The following NEDD4L variants were observed in gnomAD, a reference collection of about 807,000 sequenced individuals.
NEDD4L encodes the protein E3 ubiquitin-protein ligase NEDD4-like.
NEDD4L carries 54 observed loss-of-function variants against 148.9 expected under a neutral mutation model. That is an observed-to-expected ratio of 0.36 (90% CI 0.29 to 0.45). The LOEUF (loss-of-function observed/expected upper bound fraction) is 0.45, where lower values mean the gene tolerates loss of function less well. NEDD4L is among the 20% of genes least tolerant of loss of function. NEDD4L has a pLI of 1.00. For synonymous variants in NEDD4L, 433 were observed against 440.7 expected (o/e 0.98, Z 0.22); for missense variants, 856 against 1,233.8 (o/e 0.69, Z 4.59).
intron 5 of NEDD4L, among the ~76,000 whole-genome samples, chr18:58,264,279 G>A (rs1259932053): frequency 2.6e-5 from 4 of 152,050 alleles, no homozygotes; most frequent in Non-Finnish European, 4.4e-5. Context: ...AGGACACAGT[G>A]TGCCTCCGGC....
At chr18:58,203,791 A>AAC (rs1437247599) in intron 2 of NEDD4L, among the ~76,000 whole-genome samples, 4 of 152,048 alleles carry the variant, frequency 2.6e-5, no homozygotes, top group African/African-American at 9.7e-5. Context: ...ACTGTCTGAG[A>AAC]AGACTAGTGA....
intron 5 of NEDD4L, chr18:58,255,849 C>T (rs2148565822): frequency 3.2e-6 from 4 of 1,232,466 alleles, no homozygotes; most frequent in Non-Finnish European, 3.0e-6. Context: ...AAGCGGAGCT[C>T]GTCCATGTTC....
chr18:58,072,048 C>G (rs547850829), intron 1 of NEDD4L, among the ~76,000 whole-genome samples: 26 of 152,152 alleles, frequency 1.7e-4, no homozygotes, highest in African/African-American at 5.3e-4. Context: ...TATACAAATT[C>G]ATGTAGATGC....
intron 5 of NEDD4L, among the ~76,000 whole-genome samples, chr18:58,288,785 A>G (rs1253884083): frequency 6.6e-6 from 1 of 152,166 alleles, no homozygotes; most frequent in African/African-American, 2.4e-5. Context: ...ACAGGTAGAT[A>G]CTGCAAACTT....
chr18:58,070,925 A>G (rs978562957), intron 1 of NEDD4L, among the ~76,000 whole-genome samples: 7 of 152,194 alleles, frequency 4.6e-5, no homozygotes, highest in Non-Finnish European at 8.8e-5. Context: ...GGGATGGGGG[A>G]AGAATTTGAT....
At chr18:58,355,904 C>A (rs2044558841) in intron 18 of NEDD4L, among the ~76,000 whole-genome samples, 1 of 150,272 alleles carries the variant, frequency 6.7e-6, no homozygotes. Flanking sequence ...ACTAATTATT[C>A]TTATCAGCTC....
Position 58,366,068 on chromosome 18 carries a change from A to G in NEDD4L, c.1903A>G (p.Ile635Val). Residue 635 changes from isoleucine (I) to valine (V), a missense_variant, in exon 21 of 31, where the codon ATT becomes GTT. Physicochemically the swap from Ile to Val is conservative, Grantham distance 29 (BLOSUM62 3). Around this residue, in one of 4 missense-constraint regions of NEDD4L, gnomAD observed 286 missense variants for 531.8 expected, o/e 0.54. Coordinates refer to ENST00000400345, the MANE Select transcript of NEDD4L (RefSeq NM_001144967.3). The surrounding 1 kb of genome is among the most constrained non-coding windows in gnomAD (Gnocchi z 4.2). ...CATATTTGAAGAGTCCTATCGGAGA[A>G]TTATGTCCGTGAAAAGACCAGATGT... is the stretch of plus-strand genomic sequence containing the variant. ...NNIFEESYRR[I>V]MSVKRPDVLK... 2 of 1,613,540 alleles carry G rather than the reference A, an allele frequency of 1.2e-6. No homozygotes were observed. The highest frequency in any genetic ancestry group is 1.7e-6 in the Non-Finnish European group (2 of 1,179,686).
At chr18:58,232,457 C>T (rs761274991) in intron 2 of NEDD4L, among the ~76,000 whole-genome samples, 1 of 152,168 alleles carries the variant, frequency 6.6e-6, no homozygotes, top group Non-Finnish European at 1.5e-5. Flanking sequence ...GCTGGTGGGC[C>T]AGCCAAGACT....
intron 24 of NEDD4L, among the ~76,000 whole-genome samples, chr18:58,377,012 G>A (rs1204401030): frequency 6.6e-6 from 1 of 152,214 alleles, no homozygotes; most frequent in East Asian, 1.9e-4. Flanking sequence ...TGCCTGCCCT[G>A]TGGCATGTAC....
chr18:58,361,167 A>G (rs985573992), intron 19 of NEDD4L, among the ~76,000 whole-genome samples: 1 of 152,172 alleles, frequency 6.6e-6, no homozygotes, highest in Non-Finnish European at 1.5e-5. Context: ...GTCTAGGTCC[A>G]GTGCCCACTG....
At chr18:58,053,574 G>A (rs2081973232) in intron 1 of NEDD4L, among the ~76,000 whole-genome samples, 1 of 152,174 alleles carries the variant, frequency 6.6e-6, no homozygotes, top group South Asian at 2.1e-4. Flanking sequence ...CTCCCAAAGT[G>A]CTGGGATTAC....
chr18:58,161,027 T>G (rs957903970), intron 1 of NEDD4L, among the ~76,000 whole-genome samples: 22 of 152,086 alleles, frequency 1.4e-4, no homozygotes, highest in Admixed American at 1.4e-3. Context: ...TTTCTTTTTT[T>G]TTTCTTTGAG....
intron 1 of NEDD4L, among the ~76,000 whole-genome samples, chr18:58,108,494 C>T (rs930834173): frequency 6.6e-6 from 1 of 152,158 alleles, no homozygotes; most frequent in African/African-American, 2.4e-5. Flanking sequence ...GATCTCAGCT[C>T]ACTGCAACCT....
At chr18:58,133,979 G>A (rs1443151434) in intron 1 of NEDD4L, among the ~76,000 whole-genome samples, 1 of 152,080 alleles carries the variant, frequency 6.6e-6, no homozygotes, top group Non-Finnish European at 1.5e-5. Context: ...AAGGAAGTGA[G>A]CTTAATATTC....
intron 5 of NEDD4L, among the ~76,000 whole-genome samples, chr18:58,296,145 A>G (rs1812959718): frequency 2.0e-5 from 3 of 152,240 alleles, no homozygotes; most frequent in African/African-American, 2.4e-5. Flanking sequence ...AGTTTGACCC[A>G]CAGGTAGCAT....
At chr18:58,358,219 G>T (rs572824850) in intron 19 of NEDD4L, among the ~76,000 whole-genome samples, 1 of 152,262 alleles carries the variant, frequency 6.6e-6, no homozygotes, top group African/African-American at 2.4e-5. Flanking sequence ...TTGCAAATGT[G>T]CCCCGGTAAC....
chr18:58,057,017 C>A (rs1217476505), intron 1 of NEDD4L, among the ~76,000 whole-genome samples: 2 of 151,284 alleles, frequency 1.3e-5, no homozygotes, highest in African/African-American at 4.8e-5. Context: ...TCTGTTCATC[C>A]TGCAACCAGT....
intron 1 of NEDD4L, among the ~76,000 whole-genome samples, chr18:58,155,393 A>C (rs1017783681): frequency 6.6e-6 from 1 of 152,150 alleles, no homozygotes; most frequent in African/African-American, 2.4e-5. Flanking sequence ...AACTGGAAAA[A>C]ATAATTTCAC....
rs1183418062 is a variant in NEDD4L, at chr18:58,263,043, CA to C, written c.297+10990del. On this transcript the variant is annotated intron_variant, in intron 5 of 30. Coordinates refer to ENST00000400345, the MANE Select transcript of NEDD4L (RefSeq NM_001144967.3). ...CAGTGATTAAATCTCTGTGAAGGGACAGGTCATGAAATCAAATAAAAGGACG... is the reference window on the plus strand; with the variant it reads ...CAGTGATTAAATCTCTGTGAAGGGACGGTCATGAAATCAAATAAAAGGACG... Among the ~76,000 whole-genome samples, 3 of 152,244 alleles carry C rather than the reference CA, an allele frequency of 2.0e-5. No homozygotes were observed. In the East Asian group the frequency reaches 5.8e-4, roughly 29 times the overall value.
Sources: allele counts gnomAD v4.1 joint callset (sites outside exome capture counted in the v4.1 genomes callset), GRCh38; gene constraint gnomAD v4.1.1; regional missense constraint gnomAD v4.1.1; non-coding constraint Gnocchi (gnomAD v3.1); transcripts MANE v1.5; gene names NCBI Gene and HGNC (gene_info 2026-07-23, HGNC 2026-07-21).